The following HTR1E variants were observed in gnomAD, a reference collection of about 807,000 sequenced individuals.
HTR1E encodes 5-HT-1E.
Under a neutral mutation model 3.4 loss-of-function variants are expected in HTR1E, and 3 were observed. The ratio of observed to expected loss-of-function variants is 0.89; its 90% CI spans 0.41 to 2.31. The LOEUF is 2.31. HTR1E is among the 30% of genes most tolerant of loss of function. The pLI, the probability that HTR1E is intolerant of heterozygous loss-of-function variation, is 0.05. For synonymous variants in HTR1E, 170 were observed against 182.8 expected, an observed-to-expected ratio of 0.93 and a Z score of 0.56; for missense variants, 392 against 467.0, an observed-to-expected ratio of 0.84 and a Z score of 1.48.
chr6:86,987,559 T>G (rs1295643397), intron 1 of HTR1E, among the ~76,000 whole-genome samples: 1 of 152,196 alleles, frequency 6.6e-6, no homozygotes, highest in Admixed American at 6.5e-5. Context: ...ATGTGCCTAT[T>G]GAGCATTTGA....
rs953016443 is a variant in HTR1E, at chr6:86,963,024, G to C, written c.-186+25201G>C. Among the ~76,000 whole-genome samples, 3 of 151,984 alleles carry C rather than the reference G, an allele frequency of 2.0e-5. No homozygotes were observed. The East Asian group carries it at 5.8e-4, about 29-fold the overall frequency. The stretch of plus-strand genomic sequence containing the variant: ...ACAAACAGCGTTAGGCAGGTCCTTC[G>C]AGAGGTATTCCAGAAGAAGGCATTA... On this transcript the variant is annotated intron_variant, in intron 1 of 1. Transcript: ENST00000305344.
intron 1 of HTR1E, among the ~76,000 whole-genome samples, chr6:86,987,375 C>T (rs966967756): frequency 6.6e-6 from 1 of 152,126 alleles, no homozygotes; most frequent in Non-Finnish European, 1.5e-5. Flanking sequence ...GGCAGATAAG[C>T]TGATCTCATC....
chr6:86,954,294 T>G (rs1200859416), intron 1 of HTR1E, among the ~76,000 whole-genome samples: 1 of 152,208 alleles, frequency 6.6e-6, no homozygotes, highest in Admixed American at 6.5e-5. Flanking sequence ...CTTACTCTGC[T>G]TCTCTCACTA....
rs532518432 is a variant in HTR1E, at chr6:86,959,351, A to G, written c.-186+21528A>G. ...CTGCAGCACTCTGGGAGGCCAAGGC[A>G]GGTGGATCACCTGAGCTCAGAGTTC... is the stretch of plus-strand genomic sequence containing the variant. On this transcript the variant is annotated intron_variant, in intron 1 of 1. Coordinates refer to ENST00000305344, the MANE Select transcript of HTR1E (RefSeq NM_000865.3). Among the ~76,000 whole-genome samples the G allele has an allele frequency of 2.0e-5, 3 of 152,180 alleles. No individual in the cohort carries two copies. The South Asian group carries it at 6.2e-4, about 32-fold the overall frequency.
chr6:86,972,938 A>G (rs987391283), intron 1 of HTR1E, among the ~76,000 whole-genome samples: 1 of 152,230 alleles, frequency 6.6e-6, no homozygotes, highest in African/African-American at 2.4e-5. Context: ...GAGCAGGCAG[A>G]TTAGGTAAAC....
In HTR1E at chr6:87,016,239, T is replaced by C; in HGVS notation, c.905T>C (p.Leu302Ser). ...ILGLILGAFI[L>S]SWLPFFIKEL... Reference sequence around the variant, plus strand: ...GGGCTGATTCTGGGTGCATTCATTTTATCCTGGCTGCCATTTTTCATCAAA... The same window carrying C: ...GGGCTGATTCTGGGTGCATTCATTTCATCCTGGCTGCCATTTTTCATCAAA... The change falls in exon 2 of 2, where the codon TTA (leucine) becomes TCA (serine). Residue 302 changes from leucine to serine, a missense_variant. Leu to Ser is a moderately radical substitution (Grantham distance 145, BLOSUM62 -2). Coordinates refer to ENST00000305344, the MANE Select transcript of HTR1E (RefSeq NM_000865.3). 5 of 1,614,188 alleles carry C rather than the reference T, an allele frequency of 3.1e-6. No homozygotes were observed. The highest frequency in any genetic ancestry group is 4.2e-6 in the Non-Finnish European group (5 of 1,179,998).
At chr6:86,970,304 T>C (rs576101720) in intron 1 of HTR1E, among the ~76,000 whole-genome samples, 9 of 152,304 alleles carry the variant, frequency 5.9e-5, no homozygotes, top group African/African-American at 1.4e-4. Flanking sequence ...ATTCTACTTA[T>C]GGAAGATCAC....
At position 87,016,118 on chromosome 6, in the gene HTR1E, T is replaced by C. The variant is rs746672453; in HGVS notation, c.784T>C (p.Ser262Pro). The change falls in exon 2 of 2, where the codon TCC becomes CCC. Residue 262 changes from serine to proline, a missense_variant. Transcript: ENST00000305344. ...PTTEFEKFHA[S>P]IRIPPFDNDL... ...CACAGAGTTTGAAAAGTTCCATGCC[T>C]CCATCAGGATCCCCCCCTTCGACAA... is the stretch of plus-strand genomic sequence containing the variant. The C allele has an allele frequency of 3.0e-5, 48 of 1,613,936 alleles. No homozygotes were observed. Among genetic ancestry groups the C allele is most frequent in the Non-Finnish European group, 3.6e-5 (43 of 1,179,986 alleles).
At chr6:86,994,139 G>C (rs999477177) in intron 1 of HTR1E, among the ~76,000 whole-genome samples, 2 of 152,156 alleles carry the variant, frequency 1.3e-5, no homozygotes, top group Admixed American at 1.3e-4. Context: ...TTGGGGACTT[G>C]TGAGATGTAA....
chr6:87,014,071 G>T (rs1768278898), intron 1 of HTR1E, among the ~76,000 whole-genome samples: 1 of 151,976 alleles, frequency 6.6e-6, no homozygotes, highest in East Asian at 1.9e-4. Context: ...GAGAACACCT[G>T]GACACAGGGC....
chr6:86,985,010 C>T (rs148221308), intron 1 of HTR1E, among the ~76,000 whole-genome samples: 1 of 152,292 alleles, frequency 6.6e-6, no homozygotes, highest in African/African-American at 2.4e-5. Flanking sequence ...AATTTATCAA[C>T]ACCTATTTTA....
intron 1 of HTR1E, among the ~76,000 whole-genome samples, chr6:86,973,298 C>CTGTG (rs3043129): frequency 6.7e-6 from 1 of 149,492 alleles, no homozygotes; most frequent in African/African-American, 2.5e-5. Context: ...AAGGCAGTGG[C>CTGTG]TGTGTGTGTG....
intron 1 of HTR1E, among the ~76,000 whole-genome samples, chr6:86,990,289 T>C (rs1351800776): frequency 6.6e-6 from 1 of 152,230 alleles, no homozygotes; most frequent in Non-Finnish European, 1.5e-5. Flanking sequence ...TAAAGTTCAT[T>C]TTTATTATTC....
rs764993478 is a variant in HTR1E, at chr6:87,015,387, C to T, written c.53C>T (p.Thr18Ile). 2 of 1,607,380 alleles carry T rather than the reference C, an allele frequency of 1.2e-6. No homozygotes were observed. Among genetic ancestry groups the T allele is most frequent in the South Asian group, 2.2e-5 (2 of 90,404 alleles). The change falls in exon 2 of 2, where the codon ACC becomes ATC. Residue 18 changes from threonine to isoleucine, a missense_variant. Thr to Ile is a moderately conservative substitution (Grantham distance 89). Transcript: ENST00000305344. ...TEASMAIRPKTITEKMLICMT... is the reference protein window; with the variant it reads ...TEASMAIRPKIITEKMLICMT... ...GCCAGCATGGCTATAAGACCCAAGA[C>T]CATCACTGAGAAGATGCTCATTTGC...
intron 1 of HTR1E, among the ~76,000 whole-genome samples, chr6:87,002,536 G>A (rs917930041): frequency 2.0e-5 from 3 of 152,222 alleles, no homozygotes; most frequent in African/African-American, 7.2e-5. Flanking sequence ...ACAGGGTGCT[G>A]ATTGGTGTGT....
At chr6:86,984,082 T>C (rs1767750814) in intron 1 of HTR1E, among the ~76,000 whole-genome samples, 1 of 152,178 alleles carries the variant, frequency 6.6e-6, no homozygotes, top group African/African-American at 2.4e-5. Context: ...GCATCCTAGT[T>C]GCTGTGGCCT....
chr6:86,962,359 T>C (rs938936894), intron 1 of HTR1E, among the ~76,000 whole-genome samples: 2 of 152,194 alleles, frequency 1.3e-5, no homozygotes, highest in African/African-American at 4.8e-5. Flanking sequence ...ATTCATTCTA[T>C]AAATACAGTC....
intron 1 of HTR1E, among the ~76,000 whole-genome samples, chr6:87,001,166 A>C (rs1467083323): frequency 6.6e-6 from 1 of 152,182 alleles, no homozygotes; most frequent in East Asian, 1.9e-4. Flanking sequence ...CAAAGACACA[A>C]AAAAGAAAAC....
intron 1 of HTR1E, among the ~76,000 whole-genome samples, chr6:87,008,545 A>G (rs73753640): frequency 0.11 from 17,306 of 152,226 alleles, 1,506 homozygotes; most frequent in East Asian, 0.28. Context: ...GATTAGCTAA[A>G]TTGGTGAAAT....
Sources: gnomAD v4.1 joint callset for allele counts (sites outside exome capture counted in the v4.1 genomes callset) on GRCh38, gnomAD v4.1.1 for gene constraint, MANE v1.5 for transcripts, NCBI Gene and HGNC (gene_info 2026-07-23, HGNC 2026-07-21) for gene names.